The following TSPAN6 variants were observed in gnomAD, a reference collection of about 807,000 sequenced individuals.
TSPAN6 encodes the protein tetraspanin 6.
TSPAN6 carries 13 observed loss-of-function variants against 18.0 expected under a neutral mutation model. The observed-to-expected ratio is 0.72, with a 90% CI of 0.47 to 1.15. The LOEUF (loss-of-function observed/expected upper bound fraction) is 1.15. TSPAN6 is among the 50% of genes most tolerant of loss of function. The probability of loss-of-function intolerance (pLI) is 0.00; values close to 1 mark genes in which losing one functional copy is unlikely to be tolerated. For synonymous variants in TSPAN6, 82 were observed against 67.0 expected (o/e 1.22, Z -1.09); for missense variants, 186 against 183.9 (o/e 1.01, Z -0.07).
chrX:100,628,128 A>T lies in TSPAN6; in HGVS notation c.*1898T>A, dbSNP rs2083036678. On this transcript the variant is annotated 3_prime_UTR_variant, in exon 8 of 8. Transcript: ENST00000373020. ...TGGCTGGCTGAGGGAAAACTTTTTTAAAAACTCTAAATATAACCTTAAAAC... is the reference window on the plus strand; with the variant it reads ...TGGCTGGCTGAGGGAAAACTTTTTTTAAAACTCTAAATATAACCTTAAAAC... 1 of 111,835 alleles carries T rather than the reference A, an allele frequency of 8.9e-6. No homozygotes were observed. Among genetic ancestry groups the T allele is most frequent in the South Asian group, 3.7e-4 (1 of 2,690 alleles). The allele number at this position is 111,835 out of a possible 1,213,427, so 9.2% of individuals were successfully genotyped here. A position where few individuals can be genotyped will look rare whatever the true frequency, so the allele number is the denominator to read the frequency against.
intron 1 of TSPAN6, 29 bp downstream of exon 1, chrX:100,636,579 T>C (rs1359976814): frequency 8.4e-7 from 1 of 1,186,648 alleles, no homozygotes; most frequent in Non-Finnish European, 1.1e-6. Context: ...CGGGATCCCC[T>C]GCCGGCCCCA....
At chrX:100,634,585 G>A (rs1364039902) in intron 3 of TSPAN6, among the ~76,000 whole-genome samples, 1 of 110,137 alleles carries the variant, frequency 9.1e-6, no homozygotes, top group Non-Finnish European at 1.9e-5. Flanking sequence ...TCCATCTCCC[G>A]GGTTCATGCC....
Position 100,635,575 on chromosome X carries a change from C to T in TSPAN6, c.259G>A (p.Ala87Thr), listed in dbSNP as rs145821935. ...GGACTCACCAGTTTTAGCATCCATG[C>T]AGAAGCTCGGCAGGTAGCAAAACAA... is the stretch of plus-strand genomic sequence containing the variant. Reference protein sequence around the residue: ...FGCFATCRASAWMLKLYAMFL... With the variant: ...FGCFATCRASTWMLKLYAMFL... The change falls in exon 2 of 8, where the codon GCA becomes ACA. Residue 87 changes from alanine (A) to threonine (T), a missense_variant. Ala to Thr is a moderately conservative substitution (Grantham distance 58). Coordinates refer to ENST00000373020, the MANE Select transcript of TSPAN6 (RefSeq NM_003270.4). 5.1e-4 allele frequency: 609 copies of T among 1,191,957 alleles called. No individual in the cohort carries two copies. Among genetic ancestry groups the T allele is most frequent in the Non-Finnish European group, 5.3e-4 (466 of 884,548 alleles).
At chrX:100,635,472 C>A in intron 2 of TSPAN6, 86 bp downstream of exon 2, 1 of 891,202 alleles carries the variant, frequency 1.1e-6, no homozygotes, top group Non-Finnish European at 1.5e-6. Flanking sequence ...TTGTAAAGGG[C>A]CATGGCCAGT....
chrX:100,636,121 G>T, intron 1 of TSPAN6: 2 of 765,745 alleles, frequency 2.6e-6, no homozygotes, highest in Non-Finnish European at 3.1e-6. Flanking sequence ...TGGGCACAGG[G>T]TACAAAGGAC....
chrX:100,630,268 A>T (rs2083050047), intron 7 of TSPAN6, among the ~76,000 whole-genome samples: 1 of 112,263 alleles, frequency 8.9e-6, no homozygotes, highest in Non-Finnish European at 1.9e-5. Context: ...AAAGCCCACC[A>T]AAAACATCTT....
At chrX:100,632,078 C>T (rs1193490827) in intron 6 of TSPAN6, 1 of 139,493 alleles carries the variant, frequency 7.2e-6, no homozygotes, top group African/African-American at 3.2e-5. Flanking sequence ...CCTCACTATC[C>T]AGTCCCCTGA....
At chrX:100,636,818 G>C (rs1602710538), upstream of TSPAN6, 1 of 764,520 alleles carries the variant, frequency 1.3e-6, no homozygotes, top group Admixed American at 4.4e-5. Context: ...AGAAGGGCCG[G>C]AAACACTGTA....
chrX:100,632,954 CA>C (rs1456623035), intron 5 of TSPAN6, among the ~76,000 whole-genome samples: 1 of 111,041 alleles, frequency 9.0e-6, no homozygotes, highest in Non-Finnish European at 1.9e-5. Context: ...AATAAATAAA[CA>C]AAAAAGTGTT....
intron 3 of TSPAN6, among the ~76,000 whole-genome samples, chrX:100,634,510 G>C (rs983546276): frequency 1.3e-4 from 13 of 100,090 alleles, no homozygotes; most frequent in Non-Finnish European, 2.2e-4. Flanking sequence ...TTTTTTTTTT[G>C]AGATGGAGTC....
upstream of TSPAN6, chrX:100,636,941 T>C (rs770751150): frequency 2.5e-5 from 6 of 242,464 alleles, no homozygotes; most frequent in East Asian, 2.6e-4. Context: ...GTGTCGGAAA[T>C]TTCATAGGTC....
At chrX:100,630,940 C>CT in intron 6 of TSPAN6, 74 bp from the exon 7 acceptor site, 1 of 781,571 alleles carries the variant, frequency 1.3e-6, no homozygotes, top group Non-Finnish European at 1.9e-6. Flanking sequence ...ATTCTCCTCT[C>CT]ACTTGTAATT....
chrX:100,634,463 C>G (rs1266448444), intron 3 of TSPAN6, among the ~76,000 whole-genome samples: 1 of 111,212 alleles, frequency 9.0e-6, no homozygotes, highest in East Asian at 2.8e-4. Context: ...ATTTGAACAA[C>G]CCCAAGTTTA....
chrX:100,628,662 T>C lies in TSPAN6; in HGVS notation c.*1364A>G, dbSNP rs1054438830. 2 of 112,443 alleles carry C rather than the reference T, an allele frequency of 1.8e-5. No homozygotes were observed. Among genetic ancestry groups the C allele is most frequent in the Non-Finnish European group, 3.8e-5 (2 of 53,330 alleles). The allele number at this position is 112,443 out of a possible 1,213,427, so 9.3% of individuals were successfully genotyped here. ...AATGCAAACTATACAATCAAAAAAG[T>C]CTGATCTCTAGGAGAACACTAGTCA... On this transcript the variant is annotated 3_prime_UTR_variant, in exon 8 of 8. Transcript: ENST00000373020.
rs1024778078 is a variant in TSPAN6, at chrX:100,636,672, A to C, written c.23T>G (p.Leu8Arg). 5.0e-6 allele frequency: 6 copies of C among 1,205,555 alleles called. No individual in the cohort carries two copies. The highest frequency in any genetic ancestry group is 6.7e-6 in the Non-Finnish European group (6 of 892,463). The change falls in exon 1 of 8, where the codon CTG (leucine) becomes CGG (arginine). Residue 8 changes from leucine (L) to arginine (R), a missense_variant. By Grantham distance (102) the Leu-to-Arg change is moderately radical. Coordinates refer to ENST00000373020, the MANE Select transcript of TSPAN6 (RefSeq NM_003270.4). MASPSRR[L>R]QTKPVITCFK... ...ACAAGTAATGACTGGTTTAGTCTGC[A>C]GTCTCCGAGACGGGGACGCCATGAC...
chrX:100,636,425 C>A, intron 1 of TSPAN6, 183 bp downstream of exon 1: 1 of 1,006,871 alleles, frequency 9.9e-7, no homozygotes. Context: ...ACCCCAGCGC[C>A]GGCGAGATGC....
intron 1 of TSPAN6, chrX:100,636,083 A>C: frequency 1.5e-6 from 1 of 681,605 alleles, no homozygotes; most frequent in African/African-American, 2.3e-5. Context: ...GAGTTCCAGA[A>C]ACTTCCCCCG....
intron 5 of TSPAN6, 108 bp downstream of exon 5, chrX:100,633,297 C>T (rs761215689): frequency 1.0e-4 from 81 of 804,657 alleles, no homozygotes; most frequent in Non-Finnish European, 1.4e-4. Context: ...CCAGCCTGGG[C>T]GACAGAGCAA....
rs775808449 is a variant in TSPAN6, at chrX:100,636,721, C to G, written c.-27G>C. 11 of 1,179,736 alleles carry G rather than the reference C, an allele frequency of 9.3e-6. No individual in the cohort carries two copies. Among genetic ancestry groups the G allele is most frequent in the Middle Eastern group, 2.4e-4 (1 of 4,244 alleles). Reference sequence around the variant, plus strand: ...ACTAGCCCGAGACCCTGCACCACCGCACCGGGCGATTGGAACACAGAGAGC... The same window carrying G: ...ACTAGCCCGAGACCCTGCACCACCGGACCGGGCGATTGGAACACAGAGAGC... On this transcript the variant is annotated 5_prime_UTR_variant, in exon 1 of 8. Coordinates refer to ENST00000373020, the MANE Select transcript of TSPAN6 (RefSeq NM_003270.4).
Sources: gnomAD v4.1 joint callset for allele counts (sites outside exome capture counted in the v4.1 genomes callset) on GRCh38, gnomAD v4.1.1 for gene constraint, MANE v1.5 for transcripts, NCBI Gene and HGNC (gene_info 2026-07-23, HGNC 2026-07-21) for gene names.